The following B4GALNT3 variants were observed in gnomAD, a reference collection of about 807,000 sequenced individuals.
B4GALNT3 encodes beta-1,4-N-acetylgalactosaminyltransferase 3.
Under a neutral mutation model 120.2 loss-of-function variants are expected in B4GALNT3, and 86 were observed. The observed-to-expected ratio is 0.72, with a 90% confidence interval of 0.60 to 0.86. The LOEUF is 0.86. Among genes scored for constraint, B4GALNT3 ranks in the 40% least tolerant of loss-of-function variants. The pLI is 0.00. For synonymous variants in B4GALNT3, 518 were observed against 510.4 expected (o/e 1.01, Z -0.20); for missense variants, 1,167 against 1,298.9 (o/e 0.90, Z 1.56).
intron 16 of B4GALNT3, 100 bp from the exon 17 acceptor site, chr12:557,916 C>A: frequency 2.0e-6 from 3 of 1,485,692 alleles, no homozygotes; most frequent in Non-Finnish European, 2.8e-6. Context: ...ATAATCCCAT[C>A]CCAGGAGCAC....
intron 1 of B4GALNT3, among the ~76,000 whole-genome samples, chr12:533,745 C>T (rs1946830587): frequency 6.6e-6 from 1 of 152,172 alleles, no homozygotes; most frequent in South Asian, 2.1e-4. Flanking sequence ...TGAAATCACG[C>T]CTGTGGGACA....
At chr12:510,126 G>A (rs1423746613) in intron 1 of B4GALNT3, among the ~76,000 whole-genome samples, 1 of 152,180 alleles carries the variant, frequency 6.6e-6, no homozygotes, top group East Asian at 1.9e-4. Context: ...GATGGACCCA[G>A]GTTGCCTAAC....
chr12:495,276 G>T (rs1352193914), intron 1 of B4GALNT3, among the ~76,000 whole-genome samples: 1 of 152,122 alleles, frequency 6.6e-6, no homozygotes, highest in Non-Finnish European at 1.5e-5. Context: ...CCCCTAAAAG[G>T]GTTTGCTTTA....
chr12:490,216 AT>A (rs1274913034), intron 1 of B4GALNT3, among the ~76,000 whole-genome samples: 1 of 152,202 alleles, frequency 6.6e-6, no homozygotes, highest in Non-Finnish European at 1.5e-5. Context: ...AGCAAATTAA[AT>A]TTCAAAAACA....
intron 1 of B4GALNT3, among the ~76,000 whole-genome samples, chr12:467,012 C>T (rs1205909412): frequency 6.6e-6 from 1 of 152,086 alleles, no homozygotes; most frequent in Non-Finnish European, 1.5e-5. Flanking sequence ...GAATCACTAC[C>T]ATCAGCATAG....
intron 14 of B4GALNT3, 63 bp downstream of exon 14, chr12:554,046 G>A: frequency 8.2e-7 from 1 of 1,216,482 alleles, no homozygotes; most frequent in Non-Finnish European, 1.2e-6. Context: ...TGGCCTGGAA[G>A]GCAGGGGCCT....
In B4GALNT3 at chr12:512,256, CCTT is replaced by C. The variant is rs1347588463; in HGVS notation, c.170-22905_170-22903del. ...ACCTTCCACCTTCCACCTTCTTCCA[CCTT>C]CTTCCACCTTCTTCCACCTTCCACC... On this transcript the variant is annotated intron_variant, in intron 1 of 19. Coordinates refer to ENST00000266383, the MANE Select transcript of B4GALNT3 (RefSeq NM_173593.4). 7.9e-3 allele frequency among the ~76,000 whole-genome samples: 670 copies of C among 84,974 alleles called. 68 individuals are homozygous for C. The highest frequency in any genetic ancestry group is 0.023 in the Admixed American group (171 of 7,454). The allele number at this position is 84,974 out of a possible 152,430, so 55.7% of individuals were successfully genotyped here.
chr12:480,454 ACCC>A (rs1565589757), intron 1 of B4GALNT3, among the ~76,000 whole-genome samples: 2 of 5,466 alleles, frequency 3.7e-4, no homozygotes, highest in African/African-American at 7.6e-4. Flanking sequence ...GGTCCCTCTG[ACCC>A]TGACATTACG....
rs919605373 is a variant in B4GALNT3, at chr12:460,634, T to C, written c.169+89T>C. The C allele has an allele frequency of 1.7e-6, 2 of 1,173,010 alleles. No individual in the cohort carries two copies. The highest frequency in any genetic ancestry group is 2.2e-6 in the Non-Finnish European group (2 of 922,896). 72.7% of individuals were successfully genotyped at this position (1,173,010 alleles called of 1,614,324 possible). On this transcript the variant is annotated intron_variant, in intron 1 of 19. Transcript: ENST00000266383. This position sits in a 1 kb window ranked among gnomAD's most constrained non-coding sequence, Gnocchi z 8.0. ...GGGGGACCCGCCTCTCATCCCATCCTCAGACCCGATTTCCCACCCATTTCT... is the reference window on the plus strand; with the variant it reads ...GGGGGACCCGCCTCTCATCCCATCCCCAGACCCGATTTCCCACCCATTTCT...
At chr12:486,673 G>A (rs1456446579) in intron 1 of B4GALNT3, among the ~76,000 whole-genome samples, 2 of 152,146 alleles carry the variant, frequency 1.3e-5, no homozygotes, top group Non-Finnish European at 2.9e-5. Flanking sequence ...CAGTCCAGAG[G>A]CAGAAGCTCA....
Position 557,689 on chromosome 12 carries a change from A to G in B4GALNT3, c.2462A>G (p.Asn821Ser). The G allele has an allele frequency of 6.2e-7, 1 of 1,609,672 alleles. No homozygotes were observed. The highest frequency in any genetic ancestry group is 8.5e-7 in the Non-Finnish European group (1 of 1,178,526). Residue 821 changes from asparagine to serine, a missense_variant, in exon 16 of 20, where the codon AAC (asparagine) becomes AGC (serine). Asn to Ser is a conservative substitution (Grantham distance 46). Around this residue, in one of 3 missense-constraint regions of B4GALNT3, gnomAD observed 983 missense variants for 1,102.5 expected, o/e 0.89. Coordinates refer to ENST00000266383, the MANE Select transcript of B4GALNT3 (RefSeq NM_173593.4). ...CAGGTCACCGGTGACCCACACTTCAACATCGTCATCACTGACTATAGCAGT... is the reference window on the plus strand; with the variant it reads ...CAGGTCACCGGTGACCCACACTTCAGCATCGTCATCACTGACTATAGCAGT... ...LFQVTGDPHF[N>S]IVITDYSSED...
Position 460,730 on chromosome 12 carries a change from G to C in B4GALNT3, c.169+185G>C. 6.6e-6 allele frequency among the ~76,000 whole-genome samples: 1 copy of C among 152,146 alleles called. No individual in the cohort carries two copies. Among genetic ancestry groups the C allele is most frequent in the Non-Finnish European group, 1.5e-5 (1 of 68,002 alleles). On this transcript the variant is annotated intron_variant, in intron 1 of 19. Coordinates refer to ENST00000266383, the MANE Select transcript of B4GALNT3 (RefSeq NM_173593.4). This position sits in a 1 kb window ranked among gnomAD's most constrained non-coding sequence, Gnocchi z 8.0. Reference sequence around the variant, plus strand: ...CGGGCGGGGGAAGCCGCGGGGCCGAGCGCAGAATTCCCGAGCCCGGGCCTG... The same window carrying C: ...CGGGCGGGGGAAGCCGCGGGGCCGACCGCAGAATTCCCGAGCCCGGGCCTG...
intron 1 of B4GALNT3, among the ~76,000 whole-genome samples, chr12:526,029 A>G (rs1181276030): frequency 6.6e-6 from 1 of 152,170 alleles, no homozygotes; most frequent in Non-Finnish European, 1.5e-5. Flanking sequence ...ATGTCTAATG[A>G]GTGTCTGCTT....
chr12:494,260 A>G (rs12314597), intron 1 of B4GALNT3, among the ~76,000 whole-genome samples: 19,619 of 150,470 alleles, frequency 0.13, 1,789 homozygotes, highest in Admixed American at 0.29. Flanking sequence ...CCTGGGCAGC[A>G]GACAGAGTGA....
At chr12:507,483 G>A (rs1169341343) in intron 1 of B4GALNT3, among the ~76,000 whole-genome samples, 4 of 152,200 alleles carry the variant, frequency 2.6e-5, no homozygotes, top group Non-Finnish European at 5.9e-5. Context: ...GGACACTGTG[G>A]GAACAGAGAA....
intron 1 of B4GALNT3, among the ~76,000 whole-genome samples, chr12:534,843 A>T (rs575798107): frequency 1.3e-5 from 2 of 152,172 alleles, no homozygotes; most frequent in Non-Finnish European, 2.9e-5. Context: ...AGCTCTCGGG[A>T]TAAATTGGCC....
chr12:560,886 C>T (rs1021369247), intron 19 of B4GALNT3, among the ~76,000 whole-genome samples: 3 of 152,192 alleles, frequency 2.0e-5, no homozygotes, highest in Non-Finnish European at 4.4e-5. Context: ...AGGGCCTAGG[C>T]GCCAGGTGTC....
intron 3 of B4GALNT3, among the ~76,000 whole-genome samples, chr12:539,892 C>T (rs141307692): frequency 6.0e-4 from 91 of 152,238 alleles, no homozygotes; most frequent in Admixed American, 2.7e-3. Flanking sequence ...GCCTGGGCAG[C>T]GGAGTGAGAC....
intron 1 of B4GALNT3, among the ~76,000 whole-genome samples, chr12:498,735 G>A (rs1442889110): frequency 6.6e-6 from 1 of 152,178 alleles, no homozygotes; most frequent in South Asian, 2.1e-4. Context: ...ATAAAGCAGC[G>A]TTTATAACTT....
Sources: gnomAD v4.1 joint callset for allele counts (sites outside exome capture counted in the v4.1 genomes callset) on GRCh38, gnomAD v4.1.1 for gene constraint, gnomAD v4.1.1 regional missense constraint, Gnocchi (gnomAD v3.1) non-coding constraint, MANE v1.5 for transcripts, NCBI Gene and HGNC (gene_info 2026-07-23, HGNC 2026-07-21) for gene names.